Variants in TAFA4 observed in about 807,000 individuals in gnomAD.
TAFA4 encodes the protein chemokine-like protein TAFA-4.
Under a neutral mutation model 21.1 loss-of-function variants are expected in TAFA4, and 20 were observed. That is an observed-to-expected ratio of 0.95 (90% confidence interval 0.67 to 1.38). TAFA4 has a LOEUF of 1.38. Ranked by LOEUF, TAFA4 falls within the 40% of genes most tolerant of loss-of-function variation. The pLI is 0.00. For synonymous variants in TAFA4, 71 were observed against 67.4 expected (o/e 1.05, Z -0.26); for missense variants, 211 against 180.9 (o/e 1.17, Z -0.95).
chr3:68,785,961 C>A (rs1042216890), intron 3 of TAFA4, among the ~76,000 whole-genome samples: 5 of 152,220 alleles, frequency 3.3e-5, no homozygotes, highest in African/African-American at 1.2e-4. Context: ...TGATCATGTA[C>A]AAGGCCGTTC....
intron 3 of TAFA4, among the ~76,000 whole-genome samples, chr3:68,772,049 G>T (rs1358225310): frequency 6.6e-6 from 1 of 152,028 alleles, no homozygotes; most frequent in African/African-American, 2.4e-5. Flanking sequence ...ATTCTGTAAG[G>T]CTTCACAAGT....
intron 4 of TAFA4, among the ~76,000 whole-genome samples, chr3:68,750,803 T>C (rs1456136197): frequency 6.6e-6 from 1 of 152,202 alleles, no homozygotes; most frequent in Non-Finnish European, 1.5e-5. Context: ...ATTTAAGGCC[T>C]ACAGAGGCAA....
At chr3:68,836,292 C>T (rs576899423) in intron 3 of TAFA4, among the ~76,000 whole-genome samples, 1 of 152,192 alleles carries the variant, frequency 6.6e-6, no homozygotes, top group Non-Finnish European at 1.5e-5. Flanking sequence ...GTTTGCCAAA[C>T]CACAGCTTTA....
chr3:68,735,307 A>T (rs1325318639), intron 5 of TAFA4, among the ~76,000 whole-genome samples: 1 of 152,112 alleles, frequency 6.6e-6, no homozygotes, highest in African/African-American at 2.4e-5. Context: ...TCAGTTTCCA[A>T]TGGGGATCCA....
chr3:68,886,607 C>T (rs2089674598), intron 1 of TAFA4, among the ~76,000 whole-genome samples: 2 of 151,866 alleles, frequency 1.3e-5, no homozygotes, highest in Admixed American at 1.3e-4. Flanking sequence ...TTTTTCAATT[C>T]ATTAAAAAAA....
intron 3 of TAFA4, among the ~76,000 whole-genome samples, chr3:68,810,680 C>G (rs575132466): frequency 6.6e-6 from 1 of 152,144 alleles, no homozygotes; most frequent in Admixed American, 6.5e-5. Context: ...CCAGGAAGCT[C>G]GAACTGGGTG....
chr3:68,770,598 T>C (rs1702936059), intron 3 of TAFA4, among the ~76,000 whole-genome samples: 1 of 150,450 alleles, frequency 6.6e-6, no homozygotes, highest in Non-Finnish European at 1.5e-5. Flanking sequence ...AAGGGATAGA[T>C]CCACAGACAG....
chr3:68,848,674 C>G (rs181224659), intron 3 of TAFA4, among the ~76,000 whole-genome samples: 19 of 152,290 alleles, frequency 1.2e-4, no homozygotes, highest in Admixed American at 5.2e-4. Context: ...ACTTTCCCCA[C>G]ATCCAGTACC....
intron 3 of TAFA4, among the ~76,000 whole-genome samples, chr3:68,862,855 TCACACA>T (rs145463746): frequency 1.1e-4 from 17 of 148,582 alleles, no homozygotes; most frequent in Non-Finnish European, 2.2e-4. Context: ...AAAAGAATTT[TCACACA>T]CACACACACA....
intron 3 of TAFA4, among the ~76,000 whole-genome samples, chr3:68,838,255 T>G (rs1156579267): frequency 6.6e-6 from 1 of 152,216 alleles, no homozygotes; most frequent in Non-Finnish European, 1.5e-5. Flanking sequence ...TGTACAGTAA[T>G]GATTCATGGT....
At chr3:68,847,708 A>G (rs1704842523) in intron 3 of TAFA4, among the ~76,000 whole-genome samples, 1 of 152,214 alleles carries the variant, frequency 6.6e-6, no homozygotes. Flanking sequence ...GCCAGAGTGC[A>G]CTGTCCAAGA....
chr3:68,818,546 C>T (rs537079905), intron 3 of TAFA4, among the ~76,000 whole-genome samples: 8 of 152,284 alleles, frequency 5.3e-5, no homozygotes, highest in Non-Finnish European at 1.2e-4. Context: ...TCACCTGTAG[C>T]TTTTGATTCA....
intron 5 of TAFA4, among the ~76,000 whole-genome samples, chr3:68,734,474 G>A (rs921282413): frequency 1.3e-5 from 2 of 151,908 alleles, no homozygotes; most frequent in African/African-American, 4.9e-5. Flanking sequence ...GTTGAAGGAG[G>A]AGAGGAAGAG....
intron 3 of TAFA4, among the ~76,000 whole-genome samples, chr3:68,825,531 A>G (rs1227642121): frequency 6.6e-6 from 1 of 152,214 alleles, no homozygotes; most frequent in African/African-American, 2.4e-5. Flanking sequence ...TGGGGCCTTC[A>G]CTAGAGTGTG....
At chr3:68,914,614 GTTA>G (rs1219132163) in intron 1 of TAFA4, among the ~76,000 whole-genome samples, 1 of 152,120 alleles carries the variant, frequency 6.6e-6, no homozygotes, top group Non-Finnish European at 1.5e-5. Context: ...CATCAAACTC[GTTA>G]TTAAGATGAG....
chr3:68,885,581 A>G (rs1289965969), intron 1 of TAFA4, among the ~76,000 whole-genome samples: 1 of 152,206 alleles, frequency 6.6e-6, no homozygotes, highest in Non-Finnish European at 1.5e-5. Flanking sequence ...TTCAAAATTT[A>G]ACAGAGGGTC....
chr3:68,896,146 G>C (rs148114512), intron 1 of TAFA4, among the ~76,000 whole-genome samples: 1 of 152,200 alleles, frequency 6.6e-6, no homozygotes, highest in Non-Finnish European at 1.5e-5. Flanking sequence ...GTAATGTTAG[G>C]TAGCAGGTGA....
chr3:68,767,758 G>C (rs116025022), intron 3 of TAFA4, among the ~76,000 whole-genome samples: 296 of 151,696 alleles, frequency 2.0e-3, no homozygotes, highest in African/African-American at 6.7e-3. Flanking sequence ...ACATTCATAG[G>C]TAAGTCCTTA....
At chr3:68,816,563 C>G (rs1055208849) in intron 3 of TAFA4, among the ~76,000 whole-genome samples, 2 of 152,096 alleles carry the variant, frequency 1.3e-5, no homozygotes, top group African/African-American at 2.4e-5. Flanking sequence ...GATTATGCAA[C>G]TTTACTGAAT....
Sources: allele counts gnomAD v4.1 joint callset (sites outside exome capture counted in the v4.1 genomes callset), GRCh38; gene constraint gnomAD v4.1.1; transcripts MANE v1.5; gene names NCBI Gene and HGNC (gene_info 2026-07-23, HGNC 2026-07-21).